Variants in SH3PXD2A observed in about 807,000 individuals in gnomAD.
The protein encoded by SH3PXD2A is SH3 and PX domain-containing protein 2A.
SH3PXD2A carries 32 observed loss-of-function variants against 115.2 expected under a neutral mutation model. The ratio of observed to expected loss-of-function variants is 0.28; its 90% confidence interval spans 0.21 to 0.37. The LOEUF (loss-of-function observed/expected upper bound fraction) is 0.37. Ranked by LOEUF, SH3PXD2A falls within the 10% of genes least tolerant of loss-of-function variation. SH3PXD2A has a pLI of 1.00. For synonymous variants in SH3PXD2A, 610 were observed against 629.1 expected (o/e 0.97, Z 0.45); for missense variants, 1,328 against 1,498.7 (o/e 0.89, Z 1.88).
At chr10:103,634,105 G>A (rs927076083) in intron 8 of SH3PXD2A, among the ~76,000 whole-genome samples, 4 of 152,338 alleles carry the variant, frequency 2.6e-5, no homozygotes, top group Non-Finnish European at 4.4e-5. Flanking sequence ...CTCCGCCCCC[G>A]GGAGCTTCCA....
At chr10:103,623,270 C>T (rs1010968901) in intron 9 of SH3PXD2A, among the ~76,000 whole-genome samples, 2 of 146,270 alleles carry the variant, frequency 1.4e-5, no homozygotes, top group Non-Finnish European at 2.9e-5. Flanking sequence ...ATGACAGGGG[C>T]CCCCTCCCCA....
chr10:103,695,909 C>T (rs1271299806), intron 5 of SH3PXD2A, among the ~76,000 whole-genome samples: 1 of 152,234 alleles, frequency 6.6e-6, no homozygotes, highest in East Asian at 1.9e-4. Context: ...TGTGGGCTCT[C>T]CTCTTGCAGG....
intron 3 of SH3PXD2A, among the ~76,000 whole-genome samples, chr10:103,743,935 G>A (rs2038471171): frequency 6.6e-6 from 1 of 152,218 alleles, no homozygotes; most frequent in African/African-American, 2.4e-5. Context: ...GGTCTCGCTA[G>A]GGAAGAGAGC....
chr10:103,766,071 G>A (rs971948600), intron 3 of SH3PXD2A, among the ~76,000 whole-genome samples: 8 of 152,226 alleles, frequency 5.3e-5, no homozygotes, highest in Admixed American at 1.3e-4. Flanking sequence ...TGCTTTTGAG[G>A]ATGGAGGAAT....
At chr10:103,682,768 AAAC>A (rs1458688989) in intron 6 of SH3PXD2A, among the ~76,000 whole-genome samples, 1 of 151,862 alleles carries the variant, frequency 6.6e-6, no homozygotes, top group African/African-American at 2.4e-5. Flanking sequence ...AAAAAAAAAA[AAAC>A]AAAACAAACC....
intron 3 of SH3PXD2A, among the ~76,000 whole-genome samples, chr10:103,766,162 C>T (rs1478117315): frequency 1.3e-5 from 2 of 152,230 alleles, no homozygotes. Flanking sequence ...CAAGCAGGCA[C>T]TGGCTGTGGG....
chr10:103,616,491 CG>C (rs2036520477), intron 11 of SH3PXD2A, among the ~76,000 whole-genome samples: 2 of 152,208 alleles, frequency 1.3e-5, no homozygotes, highest in Admixed American at 6.5e-5. Flanking sequence ...GTGAAACCCA[CG>C]GGATTGTTTG....
At chr10:103,658,515 G>A (rs1300736832) in intron 8 of SH3PXD2A, among the ~76,000 whole-genome samples, 2 of 152,134 alleles carry the variant, frequency 1.3e-5, no homozygotes, top group East Asian at 1.9e-4. Flanking sequence ...ACTGGGAAGC[G>A]ACCATCCCAG....
intron 6 of SH3PXD2A, among the ~76,000 whole-genome samples, chr10:103,671,575 C>T (rs767051513): frequency 6.6e-6 from 1 of 152,242 alleles, no homozygotes. Context: ...AAAGTCCCTC[C>T]CCCTTCTCTC....
intron 3 of SH3PXD2A, among the ~76,000 whole-genome samples, chr10:103,760,885 A>T (rs960630295): frequency 2.6e-5 from 4 of 152,124 alleles, no homozygotes; most frequent in East Asian, 1.9e-4. Context: ...TATTTTTTTT[A>T]AAAGTTCCTT....
intron 2 of SH3PXD2A, among the ~76,000 whole-genome samples, chr10:103,790,257 C>T (rs967734675): frequency 6.6e-6 from 1 of 151,854 alleles, no homozygotes; most frequent in African/African-American, 2.4e-5. Context: ...CGGGTTCAAG[C>T]CATTCTCCTG....
At chr10:103,814,584 C>G (rs1184148978) in intron 1 of SH3PXD2A, among the ~76,000 whole-genome samples, 2 of 152,130 alleles carry the variant, frequency 1.3e-5, no homozygotes, top group African/African-American at 4.8e-5. Context: ...GGGCAAGGGA[C>G]GAGTGACCAC....
Position 103,665,554 on chromosome 10 carries a change from T to C in SH3PXD2A, c.472+3054A>G, listed in dbSNP as rs1049572908. On this transcript the variant is annotated intron_variant, in intron 7 of 14. Transcript: ENST00000369774. This position sits in a 1 kb window ranked among gnomAD's most constrained non-coding sequence, Gnocchi z 4.0. Reference sequence around the variant, plus strand: ...GGACACTCTGTCCTTCTGGCTGCCCTTCCCTCCCGTTGCACAGGCAGGCTC... The same window carrying C: ...GGACACTCTGTCCTTCTGGCTGCCCCTCCCTCCCGTTGCACAGGCAGGCTC... 6.6e-6 allele frequency among the ~76,000 whole-genome samples: 1 copy of C among 152,200 alleles called. No individual in the cohort carries two copies. Among genetic ancestry groups the C allele is most frequent in the Non-Finnish European group, 1.5e-5 (1 of 68,028 alleles).
At chr10:103,605,633 C>T (rs1354503777) in intron 14 of SH3PXD2A, among the ~76,000 whole-genome samples, 165 bp downstream of exon 14, 2 of 152,202 alleles carry the variant, frequency 1.3e-5, no homozygotes, top group Non-Finnish European at 2.9e-5. Flanking sequence ...TAGGCCATGG[C>T]ACTGGCCAGC....
At chr10:103,853,906 A>G (rs1319472870) in intron 1 of SH3PXD2A, among the ~76,000 whole-genome samples, 1 of 152,234 alleles carries the variant, frequency 6.6e-6, no homozygotes, top group African/African-American at 2.4e-5. Context: ...CTTTCTTGTA[A>G]CAGCAGCAGA....
chr10:103,787,392 G>A (rs1180025866), intron 2 of SH3PXD2A, among the ~76,000 whole-genome samples: 1 of 152,242 alleles, frequency 6.6e-6, no homozygotes, highest in Non-Finnish European at 1.5e-5. Context: ...CCATTTTGGA[G>A]TCCTCCTACA....
chr10:103,761,873 C>T (rs187897951), intron 3 of SH3PXD2A, among the ~76,000 whole-genome samples: 200 of 152,282 alleles, frequency 1.3e-3, no homozygotes, highest in African/African-American at 4.5e-3. Context: ...CGCGGCTCTG[C>T]TGCTGTATGG....
intron 4 of SH3PXD2A, among the ~76,000 whole-genome samples, chr10:103,731,679 G>A (rs2038321560): frequency 6.6e-6 from 1 of 152,176 alleles, no homozygotes; most frequent in African/African-American, 2.4e-5. Flanking sequence ...GGCCAGGTCT[G>A]CTTTTAGAAC....
chr10:103,661,958 CCCAGGCGCT>C (rs1421844040), intron 7 of SH3PXD2A: 15 of 985,220 alleles, frequency 1.5e-5, no homozygotes, highest in Non-Finnish European at 1.8e-5. Flanking sequence ...CTCGGGCTCA[CCCAGGCGCT>C]GCCACCGAGC....
Sources: gnomAD v4.1 joint callset for allele counts (sites outside exome capture counted in the v4.1 genomes callset) on GRCh38, gnomAD v4.1.1 for gene constraint, Gnocchi (gnomAD v3.1) non-coding constraint, MANE v1.5 for transcripts, NCBI Gene and HGNC (gene_info 2026-07-23, HGNC 2026-07-21) for gene names.